Variants in ZFPM2 observed in about 807,000 individuals in gnomAD.
ZFPM2 encodes zinc finger protein, FOG family member 2.
In ZFPM2, 20 loss-of-function variants were observed where a neutral mutation model predicts 98.6. The ratio of observed to expected loss-of-function variants is 0.20; its 90% confidence interval spans 0.14 to 0.29. The LOEUF (loss-of-function observed/expected upper bound fraction) is 0.29. Among genes scored for constraint, ZFPM2 ranks in the 10% least tolerant of loss-of-function variants. The pLI is 1.00. For missense variants in ZFPM2, 1,310 were observed against 1,388.6 expected (o/e 0.94, Z 0.90); for synonymous variants, 518 against 502.7 (o/e 1.03, Z -0.41).
chr8:105,716,642 A>AT (rs1434320890), intron 5 of ZFPM2, among the ~76,000 whole-genome samples: 2 of 151,998 alleles, frequency 1.3e-5, no homozygotes, highest in Non-Finnish European at 2.9e-5. Context: ...ATTTCCCAGA[A>AT]TAGGTCTATT....
intron 4 of ZFPM2, among the ~76,000 whole-genome samples, chr8:105,572,799 T>A (rs915532829): frequency 4.6e-5 from 7 of 152,184 alleles, no homozygotes; most frequent in Non-Finnish European, 1.5e-5. Context: ...TCATTGACTC[T>A]TACTTCAATT....
intron 5 of ZFPM2, among the ~76,000 whole-genome samples, chr8:105,718,623 G>A (rs1398160342): frequency 6.6e-6 from 1 of 151,828 alleles, no homozygotes; most frequent in Non-Finnish European, 1.5e-5. Flanking sequence ...AAATTATCCG[G>A]TGTTAATAAA....
chr8:105,665,847 A>G (rs563772091), intron 5 of ZFPM2, among the ~76,000 whole-genome samples: 104 of 152,330 alleles, frequency 6.8e-4, no homozygotes, highest in South Asian at 6.2e-3. Flanking sequence ...AAATATAAGT[A>G]AAGGAAGGGC....
chr8:105,461,508 C>T (rs191281294), intron 3 of ZFPM2, among the ~76,000 whole-genome samples: 7 of 152,110 alleles, frequency 4.6e-5, no homozygotes, highest in Admixed American at 4.6e-4. Flanking sequence ...AATAAAAGGG[C>T]CTAAAGGTAA....
chr8:105,710,504 G>T (rs1811359460), intron 5 of ZFPM2, among the ~76,000 whole-genome samples: 1 of 152,088 alleles, frequency 6.6e-6, no homozygotes, highest in Admixed American at 6.6e-5. Context: ...CATGAGAATT[G>T]CATTTATGAG....
At chr8:105,509,174 CAAAG>C (rs1399569207) in intron 3 of ZFPM2, among the ~76,000 whole-genome samples, 2 of 152,166 alleles carry the variant, frequency 1.3e-5, no homozygotes, top group African/African-American at 2.4e-5. Flanking sequence ...ATCTGTACCT[CAAAG>C]GAAGCAGAGC....
intron 5 of ZFPM2, among the ~76,000 whole-genome samples, chr8:105,783,929 G>GT (rs1404805522): frequency 1.3e-5 from 2 of 152,118 alleles, no homozygotes; most frequent in Non-Finnish European, 2.9e-5. Flanking sequence ...AAAATCATAG[G>GT]TAATTCTAGT....
intron 3 of ZFPM2, among the ~76,000 whole-genome samples, chr8:105,559,309 T>C (rs571585858): frequency 6.6e-6 from 1 of 152,332 alleles, no homozygotes; most frequent in Non-Finnish European, 1.5e-5. Flanking sequence ...GTATTCTATT[T>C]ATATCTTTCA....
chr8:105,482,232 TTATC>T (rs1177573252), intron 3 of ZFPM2, among the ~76,000 whole-genome samples: 1 of 152,196 alleles, frequency 6.6e-6, no homozygotes, highest in Non-Finnish European at 1.5e-5. Flanking sequence ...AATTCAATAA[TTATC>T]TAATTACTCT....
At chr8:105,646,425 G>A (rs772267745) in intron 5 of ZFPM2, among the ~76,000 whole-genome samples, 2 of 152,168 alleles carry the variant, frequency 1.3e-5, no homozygotes, top group Non-Finnish European at 2.9e-5. Flanking sequence ...AGCGATGAGG[G>A]GTATGATGAG....
chr8:105,724,740 G>T, intron 5 of ZFPM2, among the ~76,000 whole-genome samples: 1 of 151,682 alleles, frequency 6.6e-6, no homozygotes, highest in East Asian at 1.9e-4. Flanking sequence ...GTTTGAGTAA[G>T]TTTTGATAAA....
At chr8:105,739,262 G>T (rs1298407868) in intron 5 of ZFPM2, among the ~76,000 whole-genome samples, 1 of 152,036 alleles carries the variant, frequency 6.6e-6, no homozygotes, top group Non-Finnish European at 1.5e-5. Context: ...GAATGGTCAA[G>T]TAACAACTTT....
chr8:105,731,443 A>G (rs1482257454), intron 5 of ZFPM2, among the ~76,000 whole-genome samples: 1 of 151,646 alleles, frequency 6.6e-6, no homozygotes, highest in Non-Finnish European at 1.5e-5. Context: ...GAAAAGAAAT[A>G]TTGCATTGAA....
chr8:105,761,961 A>T (rs1451139175), intron 5 of ZFPM2, among the ~76,000 whole-genome samples: 3 of 152,012 alleles, frequency 2.0e-5, no homozygotes, highest in Non-Finnish European at 4.4e-5. Context: ...AAACTTTTTG[A>T]TCAATAAAAG....
intron 1 of ZFPM2, among the ~76,000 whole-genome samples, chr8:105,404,780 A>G (rs1811408870): frequency 6.6e-6 from 1 of 152,064 alleles, no homozygotes; most frequent in African/African-American, 2.4e-5. Context: ...AATATTTTAG[A>G]TTCTGAACTC....
chr8:105,483,517 G>A (rs1045589625), intron 3 of ZFPM2, among the ~76,000 whole-genome samples: 2 of 151,404 alleles, frequency 1.3e-5, no homozygotes, highest in African/African-American at 4.9e-5. Flanking sequence ...TTGAATTCGG[G>A]AGGCAGAGGT....
chr8:105,388,238 G>C (rs1219943587), intron 1 of ZFPM2, among the ~76,000 whole-genome samples: 2 of 151,992 alleles, frequency 1.3e-5, no homozygotes, highest in Non-Finnish European at 2.9e-5. Context: ...TGTGAAATCA[G>C]TGGCAACATA....
chr8:105,478,449 C>T (rs1203640409), intron 3 of ZFPM2, among the ~76,000 whole-genome samples: 4 of 152,132 alleles, frequency 2.6e-5, no homozygotes, highest in Admixed American at 6.5e-5. Flanking sequence ...CTCCAAGACC[C>T]GGTGAGACTG....
chr8:105,779,572 C>T (rs1251405900), intron 5 of ZFPM2, among the ~76,000 whole-genome samples: 2 of 152,158 alleles, frequency 1.3e-5, no homozygotes, highest in African/African-American at 4.8e-5. Context: ...TTATACAGAA[C>T]TCTATAGGTA....
Sources: allele counts gnomAD v4.1 joint callset (sites outside exome capture counted in the v4.1 genomes callset), GRCh38; gene constraint gnomAD v4.1.1; transcripts MANE v1.5; gene names NCBI Gene and HGNC (gene_info 2026-07-23, HGNC 2026-07-21).